GMPS: variants seen among roughly 807,000 people sequenced by gnomAD.
GMPS encodes the protein GMP synthase [glutamine-hydrolyzing].
A neutral mutation model predicts 77.9 loss-of-function variants in GMPS; 15 were observed. The observed-to-expected ratio is 0.19, with a 90% CI of 0.13 to 0.30. The LOEUF (loss-of-function observed/expected upper bound fraction) is 0.30. Among genes scored for constraint, GMPS ranks in the 10% least tolerant of loss-of-function variants. The pLI, the probability that GMPS is intolerant of heterozygous loss-of-function variation, is 1.00. For missense variants in GMPS, 590 were observed against 838.8 expected, an observed-to-expected ratio of 0.70 and a Z score of 3.66; for synonymous variants, 224 against 275.9, an observed-to-expected ratio of 0.81 and a Z score of 1.86.
rs903862889 is a variant in GMPS, at chr3:155,942,383, C to T, written c.*4691C>T. The T allele has an allele frequency of 1.9e-5, 4 of 209,188 alleles. No homozygotes were observed. The highest frequency in any genetic ancestry group is 7.2e-5 in the East Asian group (1 of 13,914). The allele number at this position is 209,188 out of a possible 1,614,324, so 13.0% of individuals were successfully genotyped here. The stretch of plus-strand genomic sequence containing the variant: ...GATTACAGGCGTGAGCCACCACGCC[C>T]GGCAAGCATTTACAGTTTTAAATCT... On this transcript the variant is annotated 3_prime_UTR_variant, in exon 16 of 16. Transcript: ENST00000496455.
chr3:155,905,142 C>T (rs571708175), intron 4 of GMPS, among the ~76,000 whole-genome samples: 11 of 152,144 alleles, frequency 7.2e-5, no homozygotes, highest in African/African-American at 2.4e-4. Context: ...CCACCTCAGT[C>T]TCCCAAGTAA....
Position 155,914,425 on chromosome 3 carries a change from A to G in GMPS, c.893A>G (p.Asn298Ser). Residue 298 changes from asparagine to serine, a missense_variant, in exon 8 of 16, where the codon AAT (asparagine) becomes AGT (serine). Around this residue, in one of 6 missense-constraint regions of GMPS, gnomAD observed 181 missense variants for 186.8 expected, o/e 0.97. Coordinates refer to ENST00000496455, the MANE Select transcript of GMPS (RefSeq NM_003875.3). ...KKLGIQVKVI[N>S]AAHSFYNGTT... ...CTTCTCCCCTTTCCTCCAGTGATAA[A>G]TGCTGCTCATTCTTTCTACAATGGA... 6.4e-7 allele frequency: 1 copy of G among 1,563,544 alleles called. No individual in the cohort carries two copies. The highest frequency in any genetic ancestry group is 8.6e-7 in the Non-Finnish European group (1 of 1,160,912).
At chr3:155,920,452 G>A (rs1755289759) in intron 10 of GMPS, among the ~76,000 whole-genome samples, 1 of 151,918 alleles carries the variant, frequency 6.6e-6, no homozygotes, top group African/African-American at 2.4e-5. Flanking sequence ...GCATGTGCCT[G>A]TAATTCTAGC....
chr3:155,877,963 G>A (rs1384704625), intron 1 of GMPS, among the ~76,000 whole-genome samples: 4 of 152,008 alleles, frequency 2.6e-5, no homozygotes, highest in Non-Finnish European at 4.4e-5. Flanking sequence ...TAGTAGCAAC[G>A]GGGTTTTGCT....
chr3:155,901,708 T>C (rs904214625), intron 3 of GMPS, among the ~76,000 whole-genome samples: 5 of 152,158 alleles, frequency 3.3e-5, no homozygotes, highest in African/African-American at 9.7e-5. Flanking sequence ...GGTCACGTTG[T>C]AGTCTTAAAG....
chr3:155,903,987 C>G (rs1172412144), intron 4 of GMPS, 27 bp downstream of exon 4: 3 of 839,876 alleles, frequency 3.6e-6, no homozygotes, highest in Non-Finnish European at 5.7e-6. Flanking sequence ...TGAATAAGAA[C>G]AATAGTAATT....
chr3:155,935,128 T>TTTTATTTTAGA, intron 14 of GMPS, 82 bp downstream of exon 14: 1 of 934,810 alleles, frequency 1.1e-6, no homozygotes, highest in Non-Finnish European at 1.7e-6. Context: ...GATGTGGCTT[T>TTTTATTTTAGA]TGCTTTTTAG....
chr3:155,924,791 AGTAGACATGAAAG>A (rs1755408147), intron 11 of GMPS, among the ~76,000 whole-genome samples: 1 of 152,244 alleles, frequency 6.6e-6, no homozygotes. Flanking sequence ...AGTATAGAAT[AGTAGACATGAAAG>A]GTATAGTCTA....
In GMPS at chr3:155,897,948, A is replaced by G; in HGVS notation, c.231A>G (p.Gly77=). 1 of 1,574,856 alleles carries G rather than the reference A, an allele frequency of 6.3e-7. No homozygotes were observed. The highest frequency in any genetic ancestry group is 8.7e-7 in the Non-Finnish European group (1 of 1,144,296). The change falls in exon 3 of 16, where the codon GGA becomes GGG. Residue 77 remains glycine, a synonymous_variant. Coordinates refer to ENST00000496455, the MANE Select transcript of GMPS (RefSeq NM_003875.3). ...ACAGTGCTATTATCATCTCTGGAGG[A>G]CCTAATTCTGTGTATGCTGAAGATG... ...QGFRAIIISG[G]PNSVYAEDAP...
At chr3:155,936,206 T>C (rs1279008851) in intron 14 of GMPS, 132 bp from the exon 15 acceptor site, 8 of 619,534 alleles carry the variant, frequency 1.3e-5, no homozygotes, top group Non-Finnish European at 2.3e-5. Context: ...CTGAAATCAA[T>C]GCATGATGAC....
chr3:155,905,135 C>A (rs1287847877), intron 4 of GMPS, among the ~76,000 whole-genome samples: 4 of 152,026 alleles, frequency 2.6e-5, no homozygotes, highest in Admixed American at 6.6e-5. Flanking sequence ...GATTCTCCCA[C>A]CTCAGTCTCC....
intron 13 of GMPS, among the ~76,000 whole-genome samples, chr3:155,932,617 TCA>T (rs1451922096): frequency 1.3e-5 from 2 of 152,204 alleles, no homozygotes; most frequent in Non-Finnish European, 2.9e-5. Flanking sequence ...TGTTCTTACT[TCA>T]CAGTTATTCT....
At chr3:155,892,978 T>C (rs1754511564) in intron 1 of GMPS, among the ~76,000 whole-genome samples, 1 of 152,226 alleles carries the variant, frequency 6.6e-6, no homozygotes, top group Non-Finnish European at 1.5e-5. Context: ...GATGCATATA[T>C]ATCATTTTCC....
intron 8 of GMPS, among the ~76,000 whole-genome samples, 171 bp downstream of exon 8, chr3:155,914,741 T>C (rs955563210): frequency 3.3e-5 from 5 of 152,056 alleles, no homozygotes; most frequent in African/African-American, 4.8e-5. Flanking sequence ...AGAAACTGTT[T>C]TATGTTTTTT....
chr3:155,920,538 G>C (rs1755292011), intron 10 of GMPS, among the ~76,000 whole-genome samples: 1 of 137,186 alleles, frequency 7.3e-6, no homozygotes, highest in South Asian at 2.3e-4. Context: ...TTACACCACA[G>C]CACTCCAACC....
chr3:155,895,682 C>A (rs559831172), intron 2 of GMPS: 1 of 152,172 alleles, frequency 6.6e-6, no homozygotes, highest in African/African-American at 2.4e-5. Flanking sequence ...GCTTATTGGG[C>A]CTTGTGATTG....
At position 155,916,012 on chromosome 3, in the gene GMPS, A is replaced by G. The variant is rs534038478; in HGVS notation, c.1039-7A>G. ...TTACAAGGCTGTTTTACTCCTGTTG[A>G]TTATAGATTGCCAATGAAGTAATTG... On this transcript the variant is annotated splice_polypyrimidine_tract_variant and splice_region_variant and intron_variant, in intron 8 of 15. Coordinates refer to ENST00000496455, the MANE Select transcript of GMPS (RefSeq NM_003875.3). 2.5e-5 allele frequency: 40 copies of G among 1,607,938 alleles called. No individual in the cohort carries two copies. The highest frequency in any genetic ancestry group is 2.4e-4 in the Admixed American group (14 of 59,384).
chr3:155,881,326 C>T (rs948484007), intron 1 of GMPS, among the ~76,000 whole-genome samples: 4 of 151,960 alleles, frequency 2.6e-5, no homozygotes, highest in African/African-American at 9.7e-5. Context: ...GCGTGTGCCA[C>T]CATGCCCGGC....
intron 1 of GMPS, among the ~76,000 whole-genome samples, chr3:155,886,780 A>G (rs1308688366): frequency 1.3e-5 from 2 of 151,902 alleles, no homozygotes; most frequent in East Asian, 3.9e-4. Flanking sequence ...TGCTGGGATT[A>G]CAGGCGTGAG....
Sources: gnomAD v4.1 joint callset for allele counts (sites outside exome capture counted in the v4.1 genomes callset) on GRCh38, gnomAD v4.1.1 for gene constraint, gnomAD v4.1.1 regional missense constraint, MANE v1.5 for transcripts, NCBI Gene and HGNC (gene_info 2026-07-23, HGNC 2026-07-21) for gene names.